Variants in AKR7A2 observed in about 807,000 individuals in gnomAD.
AKR7A2 encodes the protein aldo-keto reductase family 7 member A2.
A neutral mutation model predicts 37.3 loss-of-function variants in AKR7A2; 29 were observed. The observed-to-expected ratio is 0.78, with a 90% confidence interval of 0.58 to 1.06. The LOEUF is 1.06. AKR7A2 is among the 50% of genes least tolerant of loss of function. AKR7A2 has a pLI of 0.00. For missense variants in AKR7A2, 529 were observed against 497.9 expected (o/e 1.06, Z -0.59); for synonymous variants, 228 against 217.8 (o/e 1.05, Z -0.41).
intron 6 of AKR7A2, among the ~76,000 whole-genome samples, 179 bp downstream of exon 6, chr1:19,305,839 C>T (rs1458504070): frequency 2.6e-5 from 4 of 152,306 alleles, no homozygotes; most frequent in African/African-American, 9.6e-5. Context: ...TAATGAAAAT[C>T]CCTCACTACA....
At position 19,312,120 on chromosome 1, in the gene AKR7A2, A is replaced by G. The variant is rs1402670898; in HGVS notation, c.5T>C (p.Leu2Pro). 7 of 1,284,120 alleles carry G rather than the reference A, an allele frequency of 5.5e-6. No individual in the cohort carries two copies. The highest frequency in any genetic ancestry group is 6.8e-6 in the Non-Finnish European group (7 of 1,022,742). The allele number at this position is 1,284,120 out of a possible 1,614,324, so 79.5% of individuals were successfully genotyped here. A position where few individuals can be genotyped will look rare whatever the true frequency, so the allele number is the denominator to read the frequency against. ...GGAGACTACGCGAGACGCGGCACTC[A>G]GCATAGCAGCGGCGCCTGCGCGTTG... M[L>P]SAASRVVSRA... Residue 2 changes from leucine (L) to proline (P), a missense_variant, in exon 1 of 7, where the codon CTG (leucine) becomes CCG (proline). Leu to Pro is a moderately conservative substitution (Grantham distance 98). Coordinates refer to ENST00000235835, the MANE Select transcript of AKR7A2 (RefSeq NM_003689.4).
At chr1:19,306,187 G>A (rs1196638778) in intron 5 of AKR7A2, 40 bp from the exon 6 acceptor site, 13 of 1,613,714 alleles carry the variant, frequency 8.1e-6, no homozygotes, top group Non-Finnish European at 1.1e-5. Flanking sequence ...CAGTACCATG[G>A]GGGTCACACT....
chr1:19,307,418 G>C lies in AKR7A2; in HGVS notation c.592-8C>G, dbSNP rs780311223. On this transcript the variant is annotated splice_region_variant and splice_polypyrimidine_tract_variant and intron_variant, in intron 3 of 6. Coordinates refer to ENST00000235835, the MANE Select transcript of AKR7A2 (RefSeq NM_003689.4). ...GGTGGCGTTGTACATGCCCTGCAGG[G>C]AGAGGGACCCCGGGGACAGGGTGGA... 6.2e-7 allele frequency: 1 copy of C among 1,614,050 alleles called. No homozygotes were observed. The highest frequency in any genetic ancestry group is 1.3e-5 in the African/African-American group (1 of 74,934).
chr1:19,307,450 A>G (rs771697969), intron 3 of AKR7A2, 40 bp from the exon 4 acceptor site: 104 of 1,608,268 alleles, frequency 6.5e-5, no homozygotes, highest in Non-Finnish European at 8.5e-5. Flanking sequence ...TGGACATGTC[A>G]AGAGAAGGAA....
chr1:19,310,564 C>G (rs2002847), intron 1 of AKR7A2, among the ~76,000 whole-genome samples: 73,333 of 151,750 alleles, frequency 0.48, 18,057 homozygotes, highest in South Asian at 0.75. Flanking sequence ...TGGGCGTGGC[C>G]GTGTGCACCT....
At chr1:19,305,950 G>A in intron 6 of AKR7A2, 68 bp downstream of exon 6, 1 of 1,611,100 alleles carries the variant, frequency 6.2e-7, no homozygotes, top group Non-Finnish European at 8.5e-7. Flanking sequence ...AATGCTTTGG[G>A]CTTCACCTAA....
At chr1:19,308,321 AG>A in intron 2 of AKR7A2, 59 bp from the exon 3 acceptor site, 2 of 1,611,182 alleles carry the variant, frequency 1.2e-6, no homozygotes, top group Non-Finnish European at 1.7e-6. Context: ...AGGGGAGGCC[AG>A]GGTGGGGCCC....
At chr1:19,309,572 G>A (rs577037319) in intron 1 of AKR7A2, among the ~76,000 whole-genome samples, 4 of 152,154 alleles carry the variant, frequency 2.6e-5, no homozygotes, top group Middle Eastern at 3.2e-3. Context: ...TTCTGCATCC[G>A]AGCAGCTTGG....
At chr1:19,311,778 C>A (rs2093776647) in intron 1 of AKR7A2, 49 bp downstream of exon 1, 3 of 1,606,248 alleles carry the variant, frequency 1.9e-6, no homozygotes, top group Admixed American at 3.3e-5. Flanking sequence ...CGGCTGGGGA[C>A]AGGCTCAGCT....
chr1:19,309,314 G>C (rs568386635), intron 1 of AKR7A2, among the ~76,000 whole-genome samples: 1 of 152,174 alleles, frequency 6.6e-6, no homozygotes, highest in African/African-American at 2.4e-5. Context: ...GATTTTGTCA[G>C]GGTGTGAACC....
chr1:19,308,015 G>A (rs755876505), intron 3 of AKR7A2, 143 bp downstream of exon 3: 12 of 1,057,918 alleles, frequency 1.1e-5, no homozygotes, highest in Non-Finnish European at 1.7e-5. Context: ...ATGGCATCCT[G>A]AGGGTACATG....
intron 6 of AKR7A2, 49 bp downstream of exon 6, chr1:19,305,969 C>T (rs2093760733): frequency 6.2e-7 from 1 of 1,612,776 alleles, no homozygotes; most frequent in African/African-American, 1.3e-5. Flanking sequence ...AAAGGTGACG[C>T]TGGTCCCCCT....
chr1:19,312,081 T>C lies in AKR7A2; in HGVS notation c.44A>G (p.His15Arg), dbSNP rs1291661020. 2.5e-5 allele frequency: 34 copies of C among 1,343,784 alleles called. No individual in the cohort carries two copies. Among genetic ancestry groups the C allele is most frequent in the Admixed American group, 7.9e-5 (2 of 25,198 alleles). 83.2% of individuals were successfully genotyped at this position (1,343,784 alleles called of 1,614,324 possible). The change falls in exon 1 of 7, where the codon CAC becomes CGC. Residue 15 changes from histidine (H) to arginine (R), a missense_variant. Transcript: ENST00000235835. ...ASRVVSRAAVHCALRSPPPEA... is the reference protein window; with the variant it reads ...ASRVVSRAAVRCALRSPPPEA... ...GGGCGGCGGAGAGCGAAGCGCGCAG[T>C]GGACGGCGGCGCGGGAGACTACGCG...
intron 2 of AKR7A2, 24 bp from the exon 3 acceptor site, chr1:19,308,286 G>A (rs2151989328): frequency 6.2e-7 from 1 of 1,614,124 alleles, no homozygotes; most frequent in East Asian, 2.2e-5. Flanking sequence ...GCTCCAGTCA[G>A]AACGCAGTGT....
At chr1:19,305,869 A>G in intron 6 of AKR7A2, 149 bp downstream of exon 6, 1 of 1,327,082 alleles carries the variant, frequency 7.5e-7, no homozygotes, top group East Asian at 2.4e-5. Context: ...CTCAGATACC[A>G]TCAAAGACCA....
chr1:19,304,462 C>T, intron 6 of AKR7A2, 76 bp from the exon 7 acceptor site: 1 of 1,611,924 alleles, frequency 6.2e-7, no homozygotes, highest in Non-Finnish European at 8.5e-7. Context: ...CAGCCACCTC[C>T]CTGCTGAGAT....
rs2093757132 is a variant in AKR7A2, at chr1:19,304,243, A to C, written c.1062T>G (p.Cys354Trp). The C allele has an allele frequency of 1.2e-6, 2 of 1,614,060 alleles. No homozygotes were observed. The highest frequency in any genetic ancestry group is 1.3e-5 in the African/African-American group (1 of 74,922). The part of the protein sequence containing the change: ...NQAWHLVAHE[C>W]PNYFR Reference sequence around the variant, plus strand: ...GATGGGCCTAGCGGAAGTAGTTGGGACATTCGTGAGCAACCAAATGCCAGG... The same window carrying C: ...GATGGGCCTAGCGGAAGTAGTTGGGCCATTCGTGAGCAACCAAATGCCAGG... The change falls in exon 7 of 7, where the codon TGT (cysteine) becomes TGG (tryptophan). Residue 354 changes from cysteine (C) to tryptophan (W), a missense_variant. By Grantham distance (215) the Cys-to-Trp change is radical. Transcript: ENST00000235835.
intron 3 of AKR7A2, 131 bp from the exon 4 acceptor site, chr1:19,307,541 G>GGGGATGGAGGGAAGGTGTT: frequency 1.0e-6 from 1 of 962,754 alleles, no homozygotes; most frequent in Non-Finnish European, 1.6e-6. Context: ...ACTGTTAGTA[G>GGGGATGGAGGGAAGGTGTT]GGGATGGAGG....
chr1:19,306,817 A>G (rs2093762365), intron 5 of AKR7A2, among the ~76,000 whole-genome samples, 185 bp downstream of exon 5: 1 of 152,088 alleles, frequency 6.6e-6, no homozygotes, highest in Admixed American at 6.5e-5. Flanking sequence ...AGGGATCCTC[A>G]TTTCCCCCCC....
Sources: allele counts gnomAD v4.1 joint callset (sites outside exome capture counted in the v4.1 genomes callset), GRCh38; gene constraint gnomAD v4.1.1; transcripts MANE v1.5; gene names NCBI Gene and HGNC (gene_info 2026-07-23, HGNC 2026-07-21).